Variants in AKAP6 observed in about 807,000 individuals in gnomAD.
AKAP6 encodes the protein A-kinase anchoring protein 6.
In AKAP6, 58 loss-of-function variants were observed where a neutral mutation model predicts 188.5. The ratio of observed to expected loss-of-function variants is 0.31; its 90% CI spans 0.25 to 0.38. The LOEUF is 0.38. Among genes scored for constraint, AKAP6 ranks in the 10% least tolerant of loss-of-function variants. AKAP6 has a pLI of 1.00. For synonymous variants in AKAP6, 989 were observed against 998.6 expected (o/e 0.99, Z 0.18); for missense variants, 2,710 against 2,740.0 (o/e 0.99, Z 0.24).
chr14:32,542,306 T>C (rs1882991066), intron 3 of AKAP6, among the ~76,000 whole-genome samples: 1 of 152,184 alleles, frequency 6.6e-6, no homozygotes, highest in Non-Finnish European at 1.5e-5. Context: ...TTCTAAAATG[T>C]TGTCATTCAT....
intron 1 of AKAP6, among the ~76,000 whole-genome samples, chr14:32,403,803 C>T (rs1357725054): frequency 6.6e-6 from 1 of 152,202 alleles, no homozygotes; most frequent in Non-Finnish European, 1.5e-5. Flanking sequence ...TCAACTGTAG[C>T]TCTCATTTTC....
chr14:32,393,685 A>T (rs1053333933), intron 1 of AKAP6, among the ~76,000 whole-genome samples: 1 of 152,146 alleles, frequency 6.6e-6, no homozygotes, highest in Non-Finnish European at 1.5e-5. Context: ...GTTAAAATTT[A>T]AAAAAATTAA....
At chr14:32,448,079 T>C (rs1420031668) in intron 2 of AKAP6, among the ~76,000 whole-genome samples, 1 of 152,228 alleles carries the variant, frequency 6.6e-6, no homozygotes, top group Non-Finnish European at 1.5e-5. Flanking sequence ...TTTTCATTTG[T>C]AGTTGGATAA....
chr14:32,428,666 T>A (rs1890117017), intron 1 of AKAP6, among the ~76,000 whole-genome samples: 1 of 152,192 alleles, frequency 6.6e-6, no homozygotes, highest in Non-Finnish European at 1.5e-5. Flanking sequence ...GATGGCGATG[T>A]AGCTGAACTT....
At chr14:32,638,560 C>T (rs1887616763) in intron 7 of AKAP6, among the ~76,000 whole-genome samples, 1 of 152,070 alleles carries the variant, frequency 6.6e-6, no homozygotes, top group African/African-American at 2.4e-5. Context: ...TGTTAAATAA[C>T]TGCTGCAAAA....
intron 1 of AKAP6, among the ~76,000 whole-genome samples, chr14:32,354,903 G>C (rs1887427985): frequency 6.6e-6 from 1 of 152,158 alleles, no homozygotes; most frequent in African/African-American, 2.4e-5. Context: ...TGTGGATCCT[G>C]GTGTAACTAA....
intron 3 of AKAP6, among the ~76,000 whole-genome samples, chr14:32,538,365 T>A (rs1392554284): frequency 2.6e-5 from 4 of 152,156 alleles, no homozygotes; most frequent in Non-Finnish European, 5.9e-5. Flanking sequence ...CACTGGTAAA[T>A]TAGAATAGTA....
At chr14:32,686,685 G>A (rs979833382) in intron 8 of AKAP6, among the ~76,000 whole-genome samples, 1 of 152,154 alleles carries the variant, frequency 6.6e-6, no homozygotes, top group Non-Finnish European at 1.5e-5. Context: ...ACTAGGTAGG[G>A]GGAGTATCTG....
chr14:32,353,352 G>A (rs1887358028), intron 1 of AKAP6, among the ~76,000 whole-genome samples: 3 of 149,584 alleles, frequency 2.0e-5, no homozygotes, highest in Non-Finnish European at 3.0e-5. Context: ...ATGAGGTCAG[G>A]AGATCGAAAC....
At chr14:32,714,121 G>A (rs994400778) in intron 9 of AKAP6, among the ~76,000 whole-genome samples, 1 of 151,942 alleles carries the variant, frequency 6.6e-6, no homozygotes, top group African/African-American at 2.4e-5. Context: ...ACTGCTGGTG[G>A]GTGGAGCAAT....
At chr14:32,809,963 C>A (rs947313763) in intron 12 of AKAP6, among the ~76,000 whole-genome samples, 2 of 152,124 alleles carry the variant, frequency 1.3e-5, no homozygotes, top group African/African-American at 4.8e-5. Flanking sequence ...AGCAACCAAG[C>A]TTTAGGTAGT....
At chr14:32,591,817 A>G (rs545809654) in intron 5 of AKAP6, among the ~76,000 whole-genome samples, 1 of 152,312 alleles carries the variant, frequency 6.6e-6, no homozygotes. Context: ...AATCAATGAC[A>G]AATGTAGCCA....
chr14:32,643,968 G>T (rs1298697789), intron 7 of AKAP6, among the ~76,000 whole-genome samples: 1 of 152,118 alleles, frequency 6.6e-6, no homozygotes, highest in Non-Finnish European at 1.5e-5. Context: ...CCTATTTCTT[G>T]TAGATATATT....
intron 7 of AKAP6, among the ~76,000 whole-genome samples, chr14:32,651,280 A>G (rs1888211281): frequency 6.6e-6 from 1 of 152,150 alleles, no homozygotes; most frequent in African/African-American, 2.4e-5. Context: ...TGATTATTGT[A>G]GTGTCACGGC....
intron 2 of AKAP6, among the ~76,000 whole-genome samples, chr14:32,497,688 T>A (rs1360046366): frequency 3.3e-5 from 5 of 151,342 alleles, no homozygotes; most frequent in Non-Finnish European, 7.4e-5. Flanking sequence ...CTTAGTGATT[T>A]TATATATATA....
At chr14:32,814,176 C>T (rs2034320005) in intron 12 of AKAP6, among the ~76,000 whole-genome samples, 1 of 152,180 alleles carries the variant, frequency 6.6e-6, no homozygotes, top group African/African-American at 2.4e-5. Flanking sequence ...AGCACCTGCC[C>T]TCTCTAAGGT....
chr14:32,773,757 G>A lies in AKAP6; in HGVS notation c.3452G>A (p.Arg1151Gln), dbSNP rs763427514. 17 of 1,613,962 alleles carry A rather than the reference G, an allele frequency of 1.1e-5. No homozygotes were observed. The highest frequency in any genetic ancestry group is 1.0e-4 in the Admixed American group (6 of 59,980). ...CTATGCCAGCATCTTTTGGATGACC[G>A]GGAGACTTGCAATCTGAATGCAGAC... ...LRLCQHLLDD[R>Q]ETCNLNADHQ... The change falls in exon 12 of 14, where the codon CGG becomes CAG. Residue 1151 changes from arginine to glutamine, a missense_variant. Arg to Gln is a conservative substitution (Grantham distance 43). Around this residue, in one of 2 missense-constraint regions of AKAP6, gnomAD observed 2,473 missense variants for 2,426.1 expected, o/e 1.02. Transcript: ENST00000280979.
intron 8 of AKAP6, among the ~76,000 whole-genome samples, chr14:32,687,639 C>A (rs544657193): frequency 2.0e-5 from 3 of 152,222 alleles, no homozygotes; most frequent in Non-Finnish European, 2.9e-5. Flanking sequence ...GATTAAATCA[C>A]TAGACAACCC....
intron 7 of AKAP6, among the ~76,000 whole-genome samples, chr14:32,644,954 A>G (rs1887924430): frequency 6.6e-6 from 1 of 152,186 alleles, no homozygotes; most frequent in Non-Finnish European, 1.5e-5. Flanking sequence ...TACCATAATC[A>G]ATGGATCATT....
Sources: allele counts gnomAD v4.1 joint callset (sites outside exome capture counted in the v4.1 genomes callset), GRCh38; gene constraint gnomAD v4.1.1; regional missense constraint gnomAD v4.1.1; transcripts MANE v1.5; gene names NCBI Gene and HGNC (gene_info 2026-07-23, HGNC 2026-07-21).